GALNTL6: variants seen among roughly 807,000 people sequenced by gnomAD.
The protein encoded by GALNTL6 is polypeptide N-acetylgalactosaminyltransferase-like 6.
GALNTL6 carries 46 observed loss-of-function variants against 73.7 expected under a neutral mutation model. That is an observed-to-expected ratio of 0.62 (90% CI 0.49 to 0.80). The LOEUF (loss-of-function observed/expected upper bound fraction) is 0.80. Among genes scored for constraint, GALNTL6 ranks in the 30% least tolerant of loss-of-function variants. GALNTL6 has a pLI of 0.00. For synonymous variants in GALNTL6, 259 were observed against 263.7 expected (o/e 0.98, Z 0.17); for missense variants, 604 against 755.0 (o/e 0.80, Z 2.34).
intron 2 of GALNTL6, among the ~76,000 whole-genome samples, chr4:172,190,947 C>T (rs1217987064): frequency 6.6e-6 from 1 of 152,180 alleles, no homozygotes; most frequent in Non-Finnish European, 1.5e-5. Flanking sequence ...CATTTGTCTT[C>T]CTCGTGATTT....
chr4:172,950,679 C>T (rs1443268724), intron 9 of GALNTL6, among the ~76,000 whole-genome samples: 1 of 152,152 alleles, frequency 6.6e-6, no homozygotes, highest in Non-Finnish European at 1.5e-5. Flanking sequence ...TAGTTCCAGG[C>T]CTGAATTAGG....
intron 10 of GALNTL6, among the ~76,000 whole-genome samples, chr4:172,990,308 A>C (rs916243159): frequency 1.3e-5 from 2 of 152,248 alleles, no homozygotes; most frequent in African/African-American, 4.8e-5. Flanking sequence ...AATTAGGTAG[A>C]GAAAGAAATA....
At chr4:172,953,313 T>C (rs918247672) in intron 10 of GALNTL6, among the ~76,000 whole-genome samples, 1 of 152,160 alleles carries the variant, frequency 6.6e-6, no homozygotes, top group African/African-American at 2.4e-5. Flanking sequence ...TAAAATTGGA[T>C]AGGGTGGATT....
At chr4:172,468,862 C>A (rs1419652469) in intron 5 of GALNTL6, among the ~76,000 whole-genome samples, 1 of 152,196 alleles carries the variant, frequency 6.6e-6, no homozygotes, top group Non-Finnish European at 1.5e-5. Context: ...ACACTCTTCT[C>A]TAACATATTA....
chr4:172,222,722 C>T (rs1191628159), intron 2 of GALNTL6, among the ~76,000 whole-genome samples: 9 of 151,968 alleles, frequency 5.9e-5, no homozygotes, highest in Admixed American at 5.2e-4. Flanking sequence ...TAAAATGGTA[C>T]ATGAAAAATC....
intron 5 of GALNTL6, among the ~76,000 whole-genome samples, chr4:172,747,756 G>GA (rs950994304): frequency 3.9e-4 from 57 of 146,216 alleles, no homozygotes; most frequent in African/African-American, 1.3e-3. Flanking sequence ...CTAAGATATG[G>GA]AAAAACCCAA....
At chr4:172,093,307 TAA>T in intron 2 of GALNTL6, among the ~76,000 whole-genome samples, 1 of 152,226 alleles carries the variant, frequency 6.6e-6, no homozygotes, top group African/African-American at 2.4e-5. Context: ...CTGCTTATAA[TAA>T]TCTAATTTTA....
chr4:171,956,690 A>G (rs1196329049), intron 2 of GALNTL6, among the ~76,000 whole-genome samples: 3 of 152,190 alleles, frequency 2.0e-5, no homozygotes, highest in African/African-American at 7.2e-5. Context: ...CAAAACTATT[A>G]CAACATAAAT....
chr4:171,997,751 G>A (rs1390629445), intron 2 of GALNTL6, among the ~76,000 whole-genome samples: 1 of 152,088 alleles, frequency 6.6e-6, no homozygotes, highest in African/African-American at 2.4e-5. Context: ...TAAAAGACTA[G>A]GGAGAGGGGT....
intron 12 of GALNTL6, among the ~76,000 whole-genome samples, chr4:173,032,035 G>T (rs1191760813): frequency 6.6e-6 from 1 of 152,190 alleles, no homozygotes; most frequent in Non-Finnish European, 1.5e-5. Flanking sequence ...CTTGTGCAAG[G>T]CCCTGAGATA....
chr4:172,772,156 G>A (rs1304748375), intron 5 of GALNTL6, among the ~76,000 whole-genome samples: 1 of 152,182 alleles, frequency 6.6e-6, no homozygotes, highest in African/African-American at 2.4e-5. Context: ...GCATGGGAAA[G>A]ACCTACTCCC....
intron 2 of GALNTL6, among the ~76,000 whole-genome samples, chr4:172,181,123 C>A (rs1560957286): frequency 6.6e-6 from 1 of 152,074 alleles, no homozygotes; most frequent in East Asian, 1.9e-4. Context: ...TTTTATGAGG[C>A]CAGCATCATC....
At chr4:172,210,064 A>G (rs987033558) in intron 2 of GALNTL6, among the ~76,000 whole-genome samples, 6 of 152,124 alleles carry the variant, frequency 3.9e-5, no homozygotes, top group Non-Finnish European at 8.8e-5. Flanking sequence ...AATTGCAAAG[A>G]TAAGTATACA....
chr4:172,114,820 CTAGAGA>C (rs1376649540), intron 2 of GALNTL6, among the ~76,000 whole-genome samples: 1 of 152,014 alleles, frequency 6.6e-6, no homozygotes, highest in Non-Finnish European at 1.5e-5. Flanking sequence ...GACCTGCCTG[CTAGAGA>C]TAGAGATAAA....
intron 5 of GALNTL6, among the ~76,000 whole-genome samples, chr4:172,400,502 T>C (rs142513513): frequency 2.0e-5 from 3 of 152,240 alleles, no homozygotes; most frequent in East Asian, 3.9e-4. Context: ...GTGACGTATG[T>C]TAAAAATGCA....
chr4:173,002,471 G>A (rs780734596), intron 10 of GALNTL6, among the ~76,000 whole-genome samples: 59 of 151,814 alleles, frequency 3.9e-4, no homozygotes, highest in Non-Finnish European at 7.4e-4. Context: ...ATTTATATAT[G>A]TATATATTTA....
At chr4:172,145,316 A>G (rs1186505813) in intron 2 of GALNTL6, among the ~76,000 whole-genome samples, 3 of 151,886 alleles carry the variant, frequency 2.0e-5, no homozygotes, top group Non-Finnish European at 2.9e-5. Flanking sequence ...ATTTTTTTGT[A>G]TTTTTAGTAG....
At chr4:172,952,714 C>T (rs1394510872) in intron 10 of GALNTL6, among the ~76,000 whole-genome samples, 2 of 152,136 alleles carry the variant, frequency 1.3e-5, no homozygotes, top group African/African-American at 4.8e-5. Flanking sequence ...CGGGGTTTTG[C>T]CATTTTGGCC....
intron 5 of GALNTL6, among the ~76,000 whole-genome samples, chr4:172,580,922 C>T (rs773786846): frequency 3.3e-5 from 5 of 152,124 alleles, no homozygotes; most frequent in African/African-American, 7.2e-5. Flanking sequence ...CCACCACACC[C>T]GGCTAATTTT....
Sources: allele counts gnomAD v4.1 joint callset (sites outside exome capture counted in the v4.1 genomes callset), GRCh38; gene constraint gnomAD v4.1.1; transcripts MANE v1.5; gene names NCBI Gene and HGNC (gene_info 2026-07-23, HGNC 2026-07-21).